The following GPC6 variants were observed in gnomAD, a reference collection of about 807,000 sequenced individuals.
GPC6 encodes glypican-6.
In GPC6, 14 loss-of-function variants were observed where a neutral mutation model predicts 55.2. That is an observed-to-expected ratio of 0.25 (90% CI 0.17 to 0.40). GPC6 has a LOEUF of 0.40. Ranked by LOEUF, GPC6 falls within the 10% of genes least tolerant of loss-of-function variation. The pLI is 1.00. For missense variants in GPC6, 641 were observed against 708.5 expected, an observed-to-expected ratio of 0.90 and a Z score of 1.08; for synonymous variants, 278 against 259.6, an observed-to-expected ratio of 1.07 and a Z score of -0.68.
At chr13:93,828,346 T>C (rs545745249) in intron 2 of GPC6, among the ~76,000 whole-genome samples, 1 of 152,282 alleles carries the variant, frequency 6.6e-6, no homozygotes, top group East Asian at 1.9e-4. Context: ...AAGGTTTAAC[T>C]TATGATATTC....
chr13:94,374,065 C>T (rs993729952), intron 6 of GPC6, among the ~76,000 whole-genome samples: 2 of 151,860 alleles, frequency 1.3e-5, no homozygotes, highest in African/African-American at 2.4e-5. Flanking sequence ...CTGAAGGAAG[C>T]GCTAAACATG....
chr13:94,097,922 T>C (rs1885724824), intron 4 of GPC6, among the ~76,000 whole-genome samples: 1 of 151,980 alleles, frequency 6.6e-6, no homozygotes, highest in Non-Finnish European at 1.5e-5. Flanking sequence ...GAAAAGAAAA[T>C]AGAATCATCG....
At chr13:93,789,604 T>TATATATAATACTAC (rs1555331673) in intron 2 of GPC6, among the ~76,000 whole-genome samples, 2 of 17,408 alleles carry the variant, frequency 1.1e-4, no homozygotes, top group African/African-American at 3.5e-4. Context: ...ACTACATATA[T>TATATATAATACTAC]ATATATATAT....
At chr13:93,408,356 A>G (rs1340213765) in intron 1 of GPC6, among the ~76,000 whole-genome samples, 2 of 152,298 alleles carry the variant, frequency 1.3e-5, no homozygotes, top group Non-Finnish European at 2.9e-5. Context: ...TGGGTACAGC[A>G]CTGGGTAGAT....
At chr13:94,398,709 A>G in intron 8 of GPC6, 68 bp downstream of exon 8, 1 of 1,297,934 alleles carries the variant, frequency 7.7e-7, no homozygotes, top group East Asian at 2.4e-5. Context: ...TGATGCCCTG[A>G]CTTTCTTCAA....
At chr13:93,864,345 T>C (rs575289623) in intron 3 of GPC6, among the ~76,000 whole-genome samples, 3 of 151,876 alleles carry the variant, frequency 2.0e-5, no homozygotes, top group African/African-American at 7.2e-5. Context: ...GCTGTTGCAT[T>C]AAATGATTGT....
chr13:93,600,427 A>G (rs1877956888), intron 2 of GPC6, among the ~76,000 whole-genome samples: 1 of 152,174 alleles, frequency 6.6e-6, no homozygotes, highest in East Asian at 1.9e-4. Flanking sequence ...ATCTTAAGTT[A>G]CACTCTGGGA....
chr13:93,333,424 G>A (rs1412390205), intron 1 of GPC6, among the ~76,000 whole-genome samples: 1 of 151,586 alleles, frequency 6.6e-6, no homozygotes, highest in Non-Finnish European at 1.5e-5. Flanking sequence ...CTCTTTGGTT[G>A]AATATATTAC....
intron 1 of GPC6, among the ~76,000 whole-genome samples, chr13:93,535,784 T>C (rs1882039638): frequency 6.6e-6 from 1 of 151,492 alleles, no homozygotes; most frequent in African/African-American, 2.4e-5. Flanking sequence ...CTCAGATCAG[T>C]GGAAGAGAAG....
At chr13:93,668,468 G>A (rs564000876) in intron 2 of GPC6, among the ~76,000 whole-genome samples, 5 of 152,276 alleles carry the variant, frequency 3.3e-5, no homozygotes, top group Non-Finnish European at 5.9e-5. Context: ...CTATGAATAC[G>A]ACCTTATTTG....
At chr13:93,550,992 A>G (rs1566418988) in intron 2 of GPC6, among the ~76,000 whole-genome samples, 1 of 152,194 alleles carries the variant, frequency 6.6e-6, no homozygotes, top group Non-Finnish European at 1.5e-5. Context: ...TGTATCCTAA[A>G]GTAGAAGTCC....
At chr13:94,227,403 A>T (rs1890592763) in intron 4 of GPC6, among the ~76,000 whole-genome samples, 1 of 152,210 alleles carries the variant, frequency 6.6e-6, no homozygotes, top group African/African-American at 2.4e-5. Flanking sequence ...TAAATGGATT[A>T]TTGCACAAGG....
intron 2 of GPC6, among the ~76,000 whole-genome samples, chr13:93,768,628 G>C (rs1340722477): frequency 2.0e-5 from 3 of 152,172 alleles, no homozygotes; most frequent in Non-Finnish European, 4.4e-5. Context: ...AGTGTGAGGA[G>C]ACAAAGCAGA....
At chr13:93,944,744 TAA>T (rs1878916901) in intron 3 of GPC6, among the ~76,000 whole-genome samples, 1 of 152,214 alleles carries the variant, frequency 6.6e-6, no homozygotes, top group African/African-American at 2.4e-5. Flanking sequence ...CTGGTTATGG[TAA>T]ATTCTTTGCA....
chr13:93,274,912 T>C (rs1566275109), intron 1 of GPC6, among the ~76,000 whole-genome samples: 1 of 152,176 alleles, frequency 6.6e-6, no homozygotes, highest in Non-Finnish European at 1.5e-5. Flanking sequence ...ATTAGGGTCT[T>C]ACCTAAGATT....
At chr13:93,698,485 CTTTTTTT>C (rs57058820) in intron 2 of GPC6, among the ~76,000 whole-genome samples, 2 of 32,434 alleles carry the variant, frequency 6.2e-5, no homozygotes, top group Admixed American at 4.4e-4. Context: ...CTGTGTGGGT[CTTTTTTT>C]TTTTTTTTTT....
intron 6 of GPC6, among the ~76,000 whole-genome samples, chr13:94,331,873 G>A (rs1355120502): frequency 6.6e-6 from 1 of 152,160 alleles, no homozygotes; most frequent in Non-Finnish European, 1.5e-5. Context: ...TAGATATTAA[G>A]CCAATTTTGG....
intron 3 of GPC6, among the ~76,000 whole-genome samples, chr13:93,906,353 CA>C (rs1194575014): frequency 6.6e-6 from 1 of 152,062 alleles, no homozygotes; most frequent in African/African-American, 2.4e-5. Context: ...GAAGGAACCC[CA>C]AAAGGTTCAC....
At chr13:93,286,389 G>A (rs1878125644) in intron 1 of GPC6, among the ~76,000 whole-genome samples, 1 of 152,114 alleles carries the variant, frequency 6.6e-6, no homozygotes, top group Non-Finnish European at 1.5e-5. Flanking sequence ...AGGCACAAAG[G>A]ATCCAGTTGA....
Sources: allele counts gnomAD v4.1 joint callset (sites outside exome capture counted in the v4.1 genomes callset), GRCh38; gene constraint gnomAD v4.1.1; transcripts MANE v1.5; gene names NCBI Gene and HGNC (gene_info 2026-07-23, HGNC 2026-07-21).